CHTOP: variants seen among roughly 807,000 people sequenced by gnomAD.
CHTOP encodes the protein chromatin target of PRMT1.
A neutral mutation model predicts 33.6 loss-of-function variants in CHTOP; 18 were observed. The observed-to-expected ratio is 0.54, with a 90% CI of 0.37 to 0.80. CHTOP has a LOEUF of 0.80. Among genes scored for constraint, CHTOP ranks in the 30% least tolerant of loss-of-function variants. The probability of loss-of-function intolerance (pLI) is 0.00; values close to 1 mark genes in which losing one functional copy is unlikely to be tolerated. For missense variants in CHTOP, 263 were observed against 336.8 expected (o/e 0.78, Z 1.71); for synonymous variants, 117 against 127.7 (o/e 0.92, Z 0.56).
At chr1:153,639,522 A>C in intron 3 of CHTOP, 1 of 360,130 alleles carries the variant, frequency 2.8e-6, no homozygotes, top group Non-Finnish European at 3.9e-6. Flanking sequence ...TTACACCCCC[A>C]CCCTGAACCA....
chr1:153,638,668 CCTGTTT>C (rs1360498419), intron 3 of CHTOP: 31 of 586,792 alleles, frequency 5.3e-5, no homozygotes, highest in Non-Finnish European at 1.5e-5. Flanking sequence ...ATCTATGTGG[CCTGTTT>C]CTGTTACCAA....
chr1:153,644,868 T>TA (rs1557942464), intron 5 of CHTOP, among the ~76,000 whole-genome samples, 196 bp from the exon 6 acceptor site: 1 of 152,240 alleles, frequency 6.6e-6, no homozygotes, highest in East Asian at 1.9e-4. Flanking sequence ...GATCATGTGA[T>TA]AGAGGATTCA....
Position 153,645,277 on chromosome 1 carries a change from C to G in CHTOP, c.*8C>G. On this transcript the variant is annotated 3_prime_UTR_variant, in exon 6 of 6. Transcript: ENST00000368694. The stretch of plus-strand genomic sequence containing the variant: ...CCCGAAACCAATGATTGAAGCCTGC[C>G]CATCCTCCCATGAGAGACTCTTGTT... The G allele has an allele frequency of 3.7e-6, 6 of 1,613,612 alleles. No homozygotes were observed. Among genetic ancestry groups the G allele is most frequent in the African/African-American group, 2.7e-5 (2 of 75,046 alleles).
At chr1:153,640,177 A>C (rs1488082436) in intron 3 of CHTOP, among the ~76,000 whole-genome samples, 7 of 152,228 alleles carry the variant, frequency 4.6e-5, no homozygotes, top group Non-Finnish European at 7.3e-5. Context: ...AGTGCAATTA[A>C]GGAGCTTAAT....
intron 4 of CHTOP, chr1:153,642,875 C>T: frequency 3.1e-6 from 1 of 327,772 alleles, no homozygotes; most frequent in East Asian, 8.8e-5. Flanking sequence ...TACTCTGTTC[C>T]CTGTATAGTT....
chr1:153,644,399 T>G (rs1668732591), intron 5 of CHTOP: 1 of 152,256 alleles, frequency 6.6e-6, no homozygotes, highest in Admixed American at 6.5e-5. Flanking sequence ...TTTTGTTAAC[T>G]GAATTCACAC....
chr1:153,636,689 A>C (rs755042885), intron 2 of CHTOP, 36 bp downstream of exon 2: 5 of 1,590,166 alleles, frequency 3.1e-6, no homozygotes, highest in Non-Finnish European at 4.3e-6. Flanking sequence ...CTCCTTCCTA[A>C]GAAAACATTA....
chr1:153,635,295 G>A (rs1668322347), intron 1 of CHTOP, among the ~76,000 whole-genome samples: 1 of 151,886 alleles, frequency 6.6e-6, no homozygotes, highest in Non-Finnish European at 1.5e-5. Context: ...AGGCCCAGAT[G>A]TCTGTATTTT....
chr1:153,638,136 A>ACCT (rs1668480022), intron 2 of CHTOP, 159 bp from the exon 3 acceptor site: 3 of 669,802 alleles, frequency 4.5e-6, no homozygotes, highest in Non-Finnish European at 5.1e-6. Flanking sequence ...GTTTGTGGAA[A>ACCT]CAGAGGAGTC....
chr1:153,644,327 G>T (rs1026098282), intron 5 of CHTOP: 8 of 152,206 alleles, frequency 5.3e-5, no homozygotes, highest in Admixed American at 3.3e-4. Context: ...TCTTGACTTG[G>T]ATCCTGAGAG....
intron 3 of CHTOP, among the ~76,000 whole-genome samples, chr1:153,640,874 C>T (rs1668596766): frequency 6.6e-6 from 1 of 152,158 alleles, no homozygotes; most frequent in African/African-American, 2.4e-5. Flanking sequence ...CCTTAACTTC[C>T]CTGTTAATAT....
In CHTOP at chr1:153,635,299, G is replaced by GT. The variant is rs1668322546; in HGVS notation, c.-18+957dup. 2.0e-5 allele frequency among the ~76,000 whole-genome samples: 3 copies of GT among 151,880 alleles called. No individual in the cohort carries two copies. The South Asian group carries it at 6.3e-4, about 32-fold the overall frequency. On this transcript the variant is annotated intron_variant, in intron 1 of 5. Coordinates refer to ENST00000368694, the MANE Select transcript of CHTOP (RefSeq NM_015607.4). ...TTAATTGATCTAGGCCCAGATGTCTGTATTTTCTATTTTTTTAATTAATTT... is the reference window on the plus strand; with the variant it reads ...TTAATTGATCTAGGCCCAGATGTCTGTTATTTTCTATTTTTTTAATTAATTT...
chr1:153,637,986 C>T (rs1571315733), intron 2 of CHTOP: 2 of 314,466 alleles, frequency 6.4e-6, no homozygotes, highest in South Asian at 3.5e-5. Context: ...GAAACTATAT[C>T]TTCTGTCTCT....
rs1557938691 is a variant in CHTOP at position 153,638,355 on chromosome 1, G to A, written c.126G>A (p.Gln42=). Residue 42 remains glutamine (Q), a synonymous_variant, in exon 3 of 6, where the codon CAG becomes CAA. Transcript: ENST00000368694. ...CAGTGAATATTCGGGCTTCGATGCAGCAACAACAGCAGCTAGCCAGTGCCA... is the reference window on the plus strand; with the variant it reads ...CAGTGAATATTCGGGCTTCGATGCAACAACAACAGCAGCTAGCCAGTGCCA... ...PTPVNIRASM[Q]QQQQLASARN... is the part of the protein sequence containing the mutation. The A allele has an allele frequency of 1.2e-6, 2 of 1,614,250 alleles. No individual in the cohort carries two copies. The highest frequency in any genetic ancestry group is 2.2e-5 in the South Asian group (2 of 91,084).
intron 3 of CHTOP, among the ~76,000 whole-genome samples, chr1:153,640,063 C>T (rs915699456): frequency 3.3e-5 from 5 of 152,150 alleles, no homozygotes; most frequent in Non-Finnish European, 5.9e-5. Context: ...CATGAGCTAC[C>T]GTGCCCAGCC....
intron 5 of CHTOP, 95 bp downstream of exon 5, chr1:153,643,459 A>C: frequency 7.9e-7 from 1 of 1,264,820 alleles, no homozygotes; most frequent in East Asian, 2.7e-5. Flanking sequence ...AGTCATAGGC[A>C]GGCTTCTTTG....
rs1668626947 is a variant in CHTOP, at chr1:153,641,602, G to A, written c.220-644G>A. 3.9e-5 allele frequency among the ~76,000 whole-genome samples: 6 copies of A among 152,234 alleles called. No homozygotes were observed. The South Asian group carries it at 1.2e-3, about 32-fold the overall frequency. On this transcript the variant is annotated intron_variant, in intron 3 of 5. Transcript: ENST00000368694. ...TTTGCAAGTGCAGGCATGGAATTAGGGATTTTTAAGAAATGTAAGGAAAGG... is the reference window on the plus strand; with the variant it reads ...TTTGCAAGTGCAGGCATGGAATTAGAGATTTTTAAGAAATGTAAGGAAAGG...
At chr1:153,636,953 G>A (rs529455001) in intron 2 of CHTOP, 5 of 284,728 alleles carry the variant, frequency 1.8e-5, no homozygotes, top group African/African-American at 4.3e-5. Flanking sequence ...CGTGCAGCAC[G>A]GTAGCATGGT....
intron 1 of CHTOP, among the ~76,000 whole-genome samples, 176 bp from the exon 2 acceptor site, chr1:153,636,396 C>T (rs1181681560): frequency 3.0e-5 from 4 of 135,070 alleles, no homozygotes; most frequent in East Asian, 2.2e-4. Context: ...AGTGACAGAG[C>T]GAGACCCTGT....
Sources: gnomAD v4.1 joint callset for allele counts (sites outside exome capture counted in the v4.1 genomes callset) on GRCh38, gnomAD v4.1.1 for gene constraint, MANE v1.5 for transcripts, NCBI Gene and HGNC (gene_info 2026-07-23, HGNC 2026-07-21) for gene names.